Variants in SLC8A3 observed in about 807,000 individuals in gnomAD.
SLC8A3 encodes solute carrier family 8 member A3.
In SLC8A3, 37 loss-of-function variants were observed where a neutral mutation model predicts 65.4. The ratio of observed to expected loss-of-function variants is 0.57; its 90% CI spans 0.44 to 0.74. SLC8A3 has a LOEUF of 0.74. Ranked by LOEUF, SLC8A3 falls within the 30% of genes least tolerant of loss-of-function variation. SLC8A3 has a pLI of 0.00. For synonymous variants in SLC8A3, 461 were observed against 444.5 expected (o/e 1.04, Z -0.47); for missense variants, 1,112 against 1,172.1 (o/e 0.95, Z 0.75).
intron 2 of SLC8A3, among the ~76,000 whole-genome samples, chr14:70,143,214 A>G (rs938200047): frequency 1.3e-5 from 2 of 152,230 alleles, no homozygotes; most frequent in African/African-American, 4.8e-5. Flanking sequence ...GGCCTAGCCC[A>G]TGAGGCCTGT....
chr14:70,165,865 C>T (rs1230122853), intron 2 of SLC8A3, among the ~76,000 whole-genome samples: 2 of 152,182 alleles, frequency 1.3e-5, no homozygotes, highest in Admixed American at 6.5e-5. Flanking sequence ...TATATTTCCT[C>T]CCACAATTCC....
chr14:70,057,208 G>T (rs12435978), intron 3 of SLC8A3, among the ~76,000 whole-genome samples: 1 of 152,046 alleles, frequency 6.6e-6, no homozygotes, highest in Non-Finnish European at 1.5e-5. Flanking sequence ...ACTTTTTTAG[G>T]TATCTCCCAT....
At chr14:70,098,065 A>C (rs191716575) in intron 2 of SLC8A3, among the ~76,000 whole-genome samples, 68 of 152,252 alleles carry the variant, frequency 4.5e-4, no homozygotes, top group African/African-American at 1.5e-3. Context: ...CAGCAACATC[A>C]ATCACACTCC....
chr14:70,136,205 A>C (rs1437920022), intron 2 of SLC8A3, among the ~76,000 whole-genome samples: 1 of 152,208 alleles, frequency 6.6e-6, no homozygotes, highest in African/African-American at 2.4e-5. Flanking sequence ...CCAGCCCAGG[A>C]TTGCTAGCAA....
chr14:70,081,569 C>A (rs1381578989), intron 2 of SLC8A3, among the ~76,000 whole-genome samples: 1 of 152,174 alleles, frequency 6.6e-6, no homozygotes, highest in Non-Finnish European at 1.5e-5. Flanking sequence ...GGGCTCTAGG[C>A]TATGTGGGTC....
chr14:70,182,305 G>A (rs1436011983), intron 1 of SLC8A3, among the ~76,000 whole-genome samples: 2 of 152,144 alleles, frequency 1.3e-5, no homozygotes, highest in African/African-American at 4.8e-5. Flanking sequence ...CTGGAAACAA[G>A]ACACCCAGCT....
At chr14:70,143,029 C>T (rs1052745945) in intron 2 of SLC8A3, among the ~76,000 whole-genome samples, 1 of 152,222 alleles carries the variant, frequency 6.6e-6, no homozygotes, top group Non-Finnish European at 1.5e-5. Context: ...CTGTCCCCAG[C>T]TACCCCCAGC....
chr14:70,140,189 C>G (rs1382421264), intron 2 of SLC8A3, among the ~76,000 whole-genome samples: 1 of 152,102 alleles, frequency 6.6e-6, no homozygotes, highest in Non-Finnish European at 1.5e-5. Context: ...AAAGCATATG[C>G]CCCAAAGAGG....
intron 2 of SLC8A3, among the ~76,000 whole-genome samples, chr14:70,129,854 A>G (rs535256661): frequency 3.5e-4 from 54 of 152,362 alleles, no homozygotes; most frequent in African/African-American, 1.2e-3. Context: ...GGCAGAATCC[A>G]GTATTTTTTG....
intron 2 of SLC8A3, among the ~76,000 whole-genome samples, chr14:70,094,947 A>C (rs1373873674): frequency 6.6e-6 from 1 of 152,232 alleles, no homozygotes; most frequent in African/African-American, 2.4e-5. Context: ...AAGTGGCTAA[A>C]GCACAGGCCC....
chr14:70,189,339 A>C (rs1171916461), upstream of SLC8A3, among the ~76,000 whole-genome samples: 1 of 152,120 alleles, frequency 6.6e-6, no homozygotes, highest in Non-Finnish European at 1.5e-5. Flanking sequence ...AGCTCCAGGC[A>C]GCAGGCGGGC....
intron 2 of SLC8A3, among the ~76,000 whole-genome samples, chr14:70,114,482 C>A (rs993159944): frequency 3.3e-5 from 5 of 152,140 alleles, no homozygotes; most frequent in African/African-American, 7.2e-5. Context: ...CTCACATACA[C>A]CTGCTCTGAT....
chr14:70,130,799 C>T lies in SLC8A3; in HGVS notation c.1784+35840G>A, dbSNP rs557600504. Among the ~76,000 whole-genome samples, 10 of 152,302 alleles carry T rather than the reference C, an allele frequency of 6.6e-5. No homozygotes were observed. In the South Asian group the frequency reaches 2.1e-3, roughly 32 times the overall value. On this transcript the variant is annotated intron_variant, in intron 2 of 6. Transcript: ENST00000356921. Reference sequence around the variant, plus strand: ...AAATTATTCTGAAAGAGGCACTATGCCTTAATAAAAAGAGCATTGCTTTCT... The same window carrying T: ...AAATTATTCTGAAAGAGGCACTATGTCTTAATAAAAAGAGCATTGCTTTCT...
At chr14:70,151,443 T>C (rs1179246435) in intron 2 of SLC8A3, among the ~76,000 whole-genome samples, 7 of 152,176 alleles carry the variant, frequency 4.6e-5, no homozygotes, top group Non-Finnish European at 7.3e-5. Context: ...AGGTTTACAA[T>C]TGGAACCCCT....
At chr14:70,174,151 A>G (rs966770113) in intron 1 of SLC8A3, among the ~76,000 whole-genome samples, 2 of 152,178 alleles carry the variant, frequency 1.3e-5, no homozygotes, top group Non-Finnish European at 2.9e-5. Flanking sequence ...ACTGTGCTTG[A>G]CACATACCCT....
At position 70,168,478 on chromosome 14, in the gene SLC8A3, C is replaced by T. The variant is rs571296381; in HGVS notation, c.-56G>A. ...AGCACCAGTTGTCCTCCTGATAGGC[C>T]AGAGACCTAGAAAAGATCAGAGAGG... On this transcript the variant is annotated 5_prime_UTR_variant, in exon 2 of 7. Transcript: ENST00000356921. 164 of 1,419,950 alleles carry T rather than the reference C, an allele frequency of 1.2e-4. 2 individuals carry two copies. In the South Asian group the frequency reaches 2.1e-3, roughly 18 times the overall value. 88.0% of individuals were successfully genotyped at this position (1,419,950 alleles called of 1,614,324 possible). A position where few individuals can be genotyped will look rare whatever the true frequency, so the allele number is the denominator to read the frequency against.
chr14:70,058,965 C>T (rs34806603), intron 3 of SLC8A3: 14 of 152,142 alleles, frequency 9.2e-5, no homozygotes, highest in African/African-American at 2.9e-4. Flanking sequence ...TGAGGTAGGG[C>T]AGGTGCTGAG....
At chr14:70,069,573 TTG>T (rs1438264229) in intron 2 of SLC8A3, among the ~76,000 whole-genome samples, 1 of 152,068 alleles carries the variant, frequency 6.6e-6, no homozygotes, top group Non-Finnish European at 1.5e-5. Context: ...TGGGTTCTTC[TTG>T]TAGTTTCCTT....
At chr14:70,163,166 G>A (rs1267001386) in intron 2 of SLC8A3, among the ~76,000 whole-genome samples, 1 of 152,172 alleles carries the variant, frequency 6.6e-6, no homozygotes, top group Non-Finnish European at 1.5e-5. Flanking sequence ...TCTACGAGAA[G>A]GCACTGTGCA....
Sources: gnomAD v4.1 joint callset for allele counts (sites outside exome capture counted in the v4.1 genomes callset) on GRCh38, gnomAD v4.1.1 for gene constraint, MANE v1.5 for transcripts, NCBI Gene and HGNC (gene_info 2026-07-23, HGNC 2026-07-21) for gene names.